UCK2: variants seen among roughly 807,000 people sequenced by gnomAD.
The protein encoded by UCK2 is cytidine monophosphokinase 2.
In UCK2, 6 loss-of-function variants were observed where a neutral mutation model predicts 30.8. The ratio of observed to expected loss-of-function variants is 0.19; its 90% CI spans 0.11 to 0.38. UCK2 has a LOEUF of 0.38. Among genes scored for constraint, UCK2 ranks in the 10% least tolerant of loss-of-function variants. The pLI is 1.00. For synonymous variants in UCK2, 125 were observed against 133.6 expected (o/e 0.94, Z 0.45); for missense variants, 210 against 339.8 (o/e 0.62, Z 3.00).
chr1:165,907,897 A>C lies in UCK2; in HGVS notation c.*74A>C, dbSNP rs755218379. 3 of 1,530,160 alleles carry C rather than the reference A, an allele frequency of 2.0e-6. No individual in the cohort carries two copies. The African/African-American group carries it at 4.1e-5, about 21-fold the overall frequency. 94.8% of individuals were successfully genotyped at this position (1,530,160 alleles called of 1,614,324 possible). On this transcript the variant is annotated 3_prime_UTR_variant, in exon 7 of 7. Transcript: ENST00000367879. Reference sequence around the variant, plus strand: ...GTCAGGAGGCACTGCTCATCTGTACATACTGTTTCCTATGACATTACTGTA... The same window carrying C: ...GTCAGGAGGCACTGCTCATCTGTACCTACTGTTTCCTATGACATTACTGTA...
intron 4 of UCK2, 134 bp downstream of exon 4, chr1:165,896,466 T>A: frequency 2.0e-6 from 2 of 1,004,882 alleles, no homozygotes; most frequent in East Asian, 2.4e-5. Flanking sequence ...TGTCGCATGG[T>A]CCAGCCCGGC....
intron 1 of UCK2, among the ~76,000 whole-genome samples, chr1:165,856,337 C>T (rs1364017302): frequency 6.6e-6 from 1 of 151,504 alleles, no homozygotes; most frequent in African/African-American, 2.4e-5. Flanking sequence ...CCGTCTGATA[C>T]ATTAATTTAT....
intron 1 of UCK2, among the ~76,000 whole-genome samples, chr1:165,855,720 GTGA>G (rs1372360251): frequency 1.3e-5 from 2 of 152,104 alleles, no homozygotes; most frequent in African/African-American, 4.8e-5. Context: ...GGGGCTACCT[GTGA>G]TGGGGAACAT....
chr1:165,876,377 T>C (rs1655337600), intron 1 of UCK2, among the ~76,000 whole-genome samples: 1 of 152,212 alleles, frequency 6.6e-6, no homozygotes, highest in African/African-American at 2.4e-5. Context: ...ATTTAGTAAG[T>C]ATGATAAATT....
intron 1 of UCK2, among the ~76,000 whole-genome samples, chr1:165,830,966 A>G (rs943591938): frequency 1.3e-5 from 2 of 152,180 alleles, no homozygotes; most frequent in East Asian, 3.9e-4. Flanking sequence ...GTTCTCTACA[A>G]ATAATAAAAT....
At chr1:165,841,111 G>GTATA (rs61030546) in intron 1 of UCK2, among the ~76,000 whole-genome samples, 2,912 of 144,878 alleles carry the variant, frequency 0.02, 41 homozygotes, top group Admixed American at 0.034. Context: ...GTGTGTGTGT[G>GTATA]TATATATATA....
intron 1 of UCK2, among the ~76,000 whole-genome samples, chr1:165,842,333 G>A (rs906684660): frequency 6.6e-6 from 1 of 152,012 alleles, no homozygotes; most frequent in African/African-American, 2.4e-5. Context: ...GTCCTTTCCT[G>A]GGCTTCTTTC....
chr1:165,905,148 T>C (rs1571302937), intron 5 of UCK2, among the ~76,000 whole-genome samples: 1 of 152,186 alleles, frequency 6.6e-6, no homozygotes, highest in East Asian at 1.9e-4. Flanking sequence ...AAGACCATGT[T>C]CTCTGCATAG....
intron 1 of UCK2, among the ~76,000 whole-genome samples, chr1:165,857,046 T>C (rs186735779): frequency 6.6e-6 from 1 of 152,192 alleles, no homozygotes; most frequent in East Asian, 1.9e-4. Flanking sequence ...AGAAAGGACT[T>C]ATAGTTACTA....
intron 1 of UCK2, among the ~76,000 whole-genome samples, chr1:165,878,345 T>C (rs1655393079): frequency 1.3e-5 from 2 of 152,058 alleles, no homozygotes; most frequent in Non-Finnish European, 2.9e-5. Context: ...CTTTTTTTTT[T>C]TTTGAGACAG....
intron 1 of UCK2, among the ~76,000 whole-genome samples, chr1:165,870,253 A>C (rs530030076): frequency 1.2e-3 from 158 of 127,248 alleles, no homozygotes; most frequent in African/African-American, 4.7e-3. Flanking sequence ...CAATACCATT[A>C]GCTGGACGAT....
intron 1 of UCK2, among the ~76,000 whole-genome samples, chr1:165,884,112 G>T (rs1195241993): frequency 6.9e-6 from 1 of 145,872 alleles, no homozygotes; most frequent in African/African-American, 2.5e-5. Flanking sequence ...ATAGTGACAG[G>T]GAAAGCTACT....
At chr1:165,865,327 C>T (rs910106166) in intron 1 of UCK2, among the ~76,000 whole-genome samples, 1 of 152,170 alleles carries the variant, frequency 6.6e-6, no homozygotes, top group Non-Finnish European at 1.5e-5. Flanking sequence ...ATTCTTGGTG[C>T]TTGCTGTTGG....
chr1:165,883,774 C>T (rs899943379), intron 1 of UCK2, among the ~76,000 whole-genome samples: 9 of 152,090 alleles, frequency 5.9e-5, no homozygotes, highest in African/African-American at 1.2e-4. Context: ...TTTGTTCTTT[C>T]GTTCTTCACA....
At chr1:165,903,160 C>T (rs1262405830) in intron 4 of UCK2, 22 bp from the exon 5 acceptor site, 2 of 1,600,918 alleles carry the variant, frequency 1.2e-6, no homozygotes, top group South Asian at 2.2e-5. Flanking sequence ...TTTTTTGATT[C>T]TTGTTTTCCC....
At chr1:165,887,372 T>G (rs1459655734) in intron 1 of UCK2, among the ~76,000 whole-genome samples, 1 of 152,236 alleles carries the variant, frequency 6.6e-6, no homozygotes, top group African/African-American at 2.4e-5. Flanking sequence ...TTATCCCATT[T>G]TACTGGCCAT....
chr1:165,860,354 T>C lies in UCK2; in HGVS notation c.100-29850T>C, dbSNP rs149842349. Among the ~76,000 whole-genome samples the C allele has an allele frequency of 5.3e-5, 8 of 152,336 alleles. No homozygotes were observed. In the East Asian group the frequency reaches 1.5e-3, roughly 29 times the overall value. ...TGCTTTTCCAATTGCTTTTCTACTG[T>C]TGACAAAAGTAGAGGGGACTGTGAC... On this transcript the variant is annotated intron_variant, in intron 1 of 6. Coordinates refer to ENST00000367879, the MANE Select transcript of UCK2 (RefSeq NM_012474.5).
chr1:165,881,993 G>A (rs1297076882), intron 1 of UCK2, among the ~76,000 whole-genome samples: 1 of 152,194 alleles, frequency 6.6e-6, no homozygotes, highest in African/African-American at 2.4e-5. Context: ...GATGGATCAG[G>A]AATTAAAACT....
chr1:165,876,275 C>G (rs1047798431), intron 1 of UCK2, among the ~76,000 whole-genome samples: 1 of 152,212 alleles, frequency 6.6e-6, no homozygotes, highest in African/African-American at 2.4e-5. Flanking sequence ...TTTGAAGACC[C>G]TGAAGCACAC....
Sources: allele counts gnomAD v4.1 joint callset (sites outside exome capture counted in the v4.1 genomes callset), GRCh38; gene constraint gnomAD v4.1.1; transcripts MANE v1.5; gene names NCBI Gene and HGNC (gene_info 2026-07-23, HGNC 2026-07-21).